The following TENM4 variants were observed in gnomAD, a reference collection of about 807,000 sequenced individuals.
TENM4 encodes teneurin transmembrane protein 4, also known as teneurin-4.
Under a neutral mutation model 243.3 loss-of-function variants are expected in TENM4, and 82 were observed. The observed-to-expected ratio is 0.34, with a 90% CI of 0.28 to 0.40. TENM4 has a LOEUF of 0.40. TENM4 is among the 10% of genes least tolerant of loss of function. The pLI is 1.00. For missense variants in TENM4, 3,138 were observed against 3,673.3 expected, an observed-to-expected ratio of 0.85 and a Z score of 3.77; for synonymous variants, 1,412 against 1,456.3, an observed-to-expected ratio of 0.97 and a Z score of 0.69.
chr11:79,255,527 C>A (rs1855687316), intron 2 of TENM4, among the ~76,000 whole-genome samples: 1 of 152,214 alleles, frequency 6.6e-6, no homozygotes, highest in Admixed American at 6.5e-5. Flanking sequence ...ATTCATTTGA[C>A]TTTATTAGAT....
In TENM4 at chr11:78,756,948, G is replaced by T; in HGVS notation, c.2613C>A (p.Gly871=). ...PLCHINPLCL[G]SPNPLDIIQE... ...GGATGATGTCCAGAGGGTTAGGGGA[G>T]CCAAGGCACAGCGGGTTGATATGGC... Residue 871 remains glycine (G), a synonymous_variant, in exon 19 of 34, where the codon GGC becomes GGA. Coordinates refer to ENST00000278550, the MANE Select transcript of TENM4 (RefSeq NM_001098816.3). 6.2e-7 allele frequency: 1 copy of T among 1,614,000 alleles called. No homozygotes were observed. The highest frequency in any genetic ancestry group is 8.5e-7 in the Non-Finnish European group (1 of 1,179,900).
chr11:78,988,330 G>A (rs750938211), intron 6 of TENM4, among the ~76,000 whole-genome samples: 1 of 152,220 alleles, frequency 6.6e-6, no homozygotes, highest in Non-Finnish European at 1.5e-5. Flanking sequence ...TCTTCAGATG[G>A]CTGTAACCCT....
intron 4 of TENM4, among the ~76,000 whole-genome samples, chr11:79,080,800 T>C (rs902455506): frequency 1.3e-5 from 2 of 152,216 alleles, no homozygotes; most frequent in African/African-American, 4.8e-5. Context: ...AAAAACCCTT[T>C]TCCTAGAAAA....
chr11:78,929,827 A>T (rs188006079), intron 6 of TENM4, among the ~76,000 whole-genome samples: 163 of 152,294 alleles, frequency 1.1e-3, no homozygotes, highest in African/African-American at 3.8e-3. Flanking sequence ...GCCACCAAAC[A>T]TTGAAAACAA....
In TENM4 at chr11:79,440,858, TGA is replaced by T. The variant is rs1177395372; in HGVS notation, c.-672_-671del. The T allele has an allele frequency of 4.6e-3, 537 of 116,308 alleles. 3 individuals carry two copies. Among genetic ancestry groups the T allele is most frequent in the Middle Eastern group, 0.016 (4 of 250 alleles). 7.2% of individuals were successfully genotyped at this position (116,308 alleles called of 1,614,324 possible). A position where few individuals can be genotyped will look rare whatever the true frequency, so the allele number is the denominator to read the frequency against. On this transcript the variant is annotated 5_prime_UTR_variant, in exon 1 of 34. Transcript: ENST00000278550. This position sits in a 1 kb window ranked among gnomAD's most constrained non-coding sequence, Gnocchi z 4.7. ...GGGCGGGTGTGTGCGCGCGCGTGTGTGAGTGTGTGTGTGTGTGTGTGTGTTTA... is the reference window on the plus strand; with the variant it reads ...GGGCGGGTGTGTGCGCGCGCGTGTGTGTGTGTGTGTGTGTGTGTGTGTTTA...
chr11:79,345,419 T>C (rs1480948123), intron 1 of TENM4, among the ~76,000 whole-genome samples: 2 of 152,222 alleles, frequency 1.3e-5, no homozygotes, highest in South Asian at 4.1e-4. Context: ...TGTTATTTGA[T>C]TACTAATAAC....
chr11:79,064,088 T>C (rs200707769), intron 6 of TENM4, among the ~76,000 whole-genome samples: 1 of 43,506 alleles, frequency 2.3e-5, no homozygotes, highest in African/African-American at 6.6e-5. Context: ...CACATACTTA[T>C]TTTTTTGTGG....
Position 78,981,140 on chromosome 11 carries a change from C to T in TENM4, c.494-77617G>A, listed in dbSNP as rs1160685003. Among the ~76,000 whole-genome samples the T allele has an allele frequency of 2.0e-5, 3 of 152,064 alleles. No individual in the cohort carries two copies. In the East Asian group the frequency reaches 5.8e-4, roughly 29 times the overall value. Reference sequence around the variant, plus strand: ...TTAAATGCTGATGATTTTTATATCTCTATGACAGGTGTGTGTATGCGAGGA... The same window carrying T: ...TTAAATGCTGATGATTTTTATATCTTTATGACAGGTGTGTGTATGCGAGGA... On this transcript the variant is annotated intron_variant, in intron 6 of 33. Coordinates refer to ENST00000278550, the MANE Select transcript of TENM4 (RefSeq NM_001098816.3).
At chr11:79,429,461 C>G (rs1303726055) in intron 1 of TENM4, among the ~76,000 whole-genome samples, 2 of 152,076 alleles carry the variant, frequency 1.3e-5, no homozygotes, top group African/African-American at 4.8e-5. Context: ...CAGGAGCTAC[C>G]ATTCACATAG....
At chr11:78,668,086 C>T (rs138362026) in intron 32 of TENM4, among the ~76,000 whole-genome samples, 151 of 152,106 alleles carry the variant, frequency 9.9e-4, no homozygotes, top group African/African-American at 3.2e-3. Flanking sequence ...GGAACCAACA[C>T]GAGCCAGGCA....
intron 3 of TENM4, among the ~76,000 whole-genome samples, chr11:79,197,063 T>C (rs537420843): frequency 7.9e-5 from 12 of 152,188 alleles, no homozygotes; most frequent in Non-Finnish European, 1.6e-4. Flanking sequence ...TTTTCCCCCA[T>C]GCTTTCATTT....
chr11:79,000,018 A>T (rs1347655341), intron 6 of TENM4, among the ~76,000 whole-genome samples: 1 of 152,244 alleles, frequency 6.6e-6, no homozygotes. Flanking sequence ...AAAATTGGTA[A>T]GAGAAAAATG....
In TENM4 at chr11:79,292,273, C is replaced by T. The variant is rs192555126; in HGVS notation, c.-265+5215G>A. Among the ~76,000 whole-genome samples, 299 of 152,250 alleles carry T rather than the reference C, an allele frequency of 2.0e-3. 7 individuals carry two copies. The highest frequency in any genetic ancestry group is 0.019 in the Admixed American group (289 of 15,286). ...CAAGACCTCCCCTTTCTCCTGCCCTCGACCACCAATGAGCATGCTGTAGTG... is the reference window on the plus strand; with the variant it reads ...CAAGACCTCCCCTTTCTCCTGCCCTTGACCACCAATGAGCATGCTGTAGTG... On this transcript the variant is annotated intron_variant, in intron 2 of 33. Coordinates refer to ENST00000278550, the MANE Select transcript of TENM4 (RefSeq NM_001098816.3).
Position 78,655,034 on chromosome 11 carries a change from G to A in TENM4, c.*3024C>T, listed in dbSNP as rs1475629694. Reference sequence around the variant, plus strand: ...TTGGTTGGTGAGTGTCAAAAGGGCCGGTCCTCTCAGGATGGGAGTCGATGC... The same window carrying A: ...TTGGTTGGTGAGTGTCAAAAGGGCCAGTCCTCTCAGGATGGGAGTCGATGC... On this transcript the variant is annotated 3_prime_UTR_variant, in exon 34 of 34. Transcript: ENST00000278550. 1.3e-5 allele frequency: 2 copies of A among 152,362 alleles called. No homozygotes were observed. The highest frequency in any genetic ancestry group is 2.9e-5 in the Non-Finnish European group (2 of 68,144). The allele number at this position is 152,362 out of a possible 1,614,324, so 9.4% of individuals were successfully genotyped here. A position where few individuals can be genotyped will look rare whatever the true frequency, so the allele number is the denominator to read the frequency against.
At chr11:78,882,781 G>A (rs1218766684) in intron 9 of TENM4, among the ~76,000 whole-genome samples, 2 of 152,198 alleles carry the variant, frequency 1.3e-5, no homozygotes, top group East Asian at 3.8e-4. Context: ...TCTAATAGCT[G>A]CCTTTTGAAG....
intron 4 of TENM4, among the ~76,000 whole-genome samples, chr11:79,095,636 C>A (rs1455467624): frequency 6.6e-6 from 1 of 152,100 alleles, no homozygotes; most frequent in Non-Finnish European, 1.5e-5. Context: ...CCTCTGGTGA[C>A]TAACCTGGTC....
At chr11:79,025,765 G>A (rs1859063680) in intron 6 of TENM4, among the ~76,000 whole-genome samples, 1 of 152,162 alleles carries the variant, frequency 6.6e-6, no homozygotes, top group Admixed American at 6.5e-5. Context: ...TCCTAATGAG[G>A]TGCTGTCAGG....
chr11:79,137,985 G>A (rs1565218996), intron 4 of TENM4, among the ~76,000 whole-genome samples: 1 of 151,812 alleles, frequency 6.6e-6, no homozygotes, highest in Non-Finnish European at 1.5e-5. Flanking sequence ...CTGATCCTGG[G>A]TGTGTGTGTG....
chr11:78,697,368 G>A (rs1238549001), intron 28 of TENM4, among the ~76,000 whole-genome samples: 1 of 152,042 alleles, frequency 6.6e-6, no homozygotes, highest in Non-Finnish European at 1.5e-5. Context: ...CCTCAGAGAA[G>A]GAGTTCAAGG....
Sources: gnomAD v4.1 joint callset for allele counts (sites outside exome capture counted in the v4.1 genomes callset) on GRCh38, gnomAD v4.1.1 for gene constraint, Gnocchi (gnomAD v3.1) non-coding constraint, MANE v1.5 for transcripts, NCBI Gene and HGNC (gene_info 2026-07-23, HGNC 2026-07-21) for gene names.